GPR12: variants seen among roughly 807,000 people sequenced by gnomAD.
The protein encoded by GPR12 is G protein-coupled receptor 12.
GPR12 carries 7 observed loss-of-function variants against 18.9 expected under a neutral mutation model. The observed-to-expected ratio is 0.37, with a 90% confidence interval of 0.21 to 0.70. The LOEUF is 0.70. Ranked by LOEUF, GPR12 falls within the 30% of genes least tolerant of loss-of-function variation. The pLI is 0.54. For synonymous variants in GPR12, 201 were observed against 188.6 expected, an observed-to-expected ratio of 1.07 and a Z score of -0.54; for missense variants, 327 against 427.7, an observed-to-expected ratio of 0.76 and a Z score of 2.08.
Position 26,756,629 on chromosome 13 carries a change from T to C in GPR12, c.*2194A>G, listed in dbSNP as rs1437966590. On this transcript the variant is annotated 3_prime_UTR_variant, in exon 2 of 2. Coordinates refer to ENST00000405846, the MANE Select transcript of GPR12 (RefSeq NM_005288.4). Reference sequence around the variant, plus strand: ...AGACTTAGACTTTGGAAAAGCTGGCTTCAAATTCTGACTCTATCCTTGTGC... The same window carrying C: ...AGACTTAGACTTTGGAAAAGCTGGCCTCAAATTCTGACTCTATCCTTGTGC... 1 of 152,220 alleles carries C rather than the reference T, an allele frequency of 6.6e-6. No homozygotes were observed. The highest frequency in any genetic ancestry group is 1.5e-5 in the Non-Finnish European group (1 of 68,046). The allele number at this position is 152,220 out of a possible 1,614,324, so 9.4% of individuals were successfully genotyped here. A position where few individuals can be genotyped will look rare whatever the true frequency, so the allele number is the denominator to read the frequency against.
In GPR12 at chr13:26,759,834, C is replaced by T. The variant is rs751347216; in HGVS notation, c.-7G>A. 6.4e-7 allele frequency: 1 copy of T among 1,551,486 alleles called. No homozygotes were observed. Among genetic ancestry groups the T allele is most frequent in the South Asian group, 1.2e-5 (1 of 82,792 alleles). On this transcript the variant is annotated 5_prime_UTR_variant, in exon 2 of 2. Transcript: ENST00000405846. ...CCTTCAGGTCTTCATTCATTTTAAC[C>T]CCTGTCCTCTTCAACGAAAAGACAG...
rs1359001005 is a variant in GPR12, at chr13:26,758,096, T to G, written c.*727A>C. On this transcript the variant is annotated 3_prime_UTR_variant, in exon 2 of 2. Transcript: ENST00000405846. The stretch of plus-strand genomic sequence containing the variant: ...TATATTGAAAAATGACCCGTTGGAA[T>G]CTAGATTGACATGGCAACATTTGAA... The G allele has an allele frequency of 6.6e-6, 1 of 152,172 alleles. No individual in the cohort carries two copies. Among genetic ancestry groups the G allele is most frequent in the African/African-American group, 2.4e-5 (1 of 41,442 alleles). 9.4% of individuals were successfully genotyped at this position (152,172 alleles called of 1,614,324 possible). A position where few individuals can be genotyped will look rare whatever the true frequency, so the allele number is the denominator to read the frequency against.
Position 26,759,849 on chromosome 13 carries a change from C to A in GPR12, c.-15-7G>T. The A allele has an allele frequency of 2.6e-6, 4 of 1,532,150 alleles. No individual in the cohort carries two copies. The highest frequency in any genetic ancestry group is 1.4e-5 in the African/African-American group (1 of 72,036). The allele number at this position is 1,532,150 out of a possible 1,614,324, so 94.9% of individuals were successfully genotyped here. ...TCATTTTAACCCCTGTCCTCTTCAA[C>A]GAAAAGACAGGCTTTTTAATGTTTA... is the stretch of plus-strand genomic sequence containing the variant. On this transcript the variant is annotated splice_polypyrimidine_tract_variant and splice_region_variant and intron_variant, in intron 1 of 1. Transcript: ENST00000405846.
chr13:26,758,751 G>T lies in GPR12; in HGVS notation c.*72C>A. ...GGGAATCCAATGCAAGGAATTCAAGGGAAGCATCTCAAACCTTGGCCAGGC... is the reference window on the plus strand; with the variant it reads ...GGGAATCCAATGCAAGGAATTCAAGTGAAGCATCTCAAACCTTGGCCAGGC... On this transcript the variant is annotated 3_prime_UTR_variant, in exon 2 of 2. Coordinates refer to ENST00000405846, the MANE Select transcript of GPR12 (RefSeq NM_005288.4). 6.6e-7 allele frequency: 1 copy of T among 1,518,492 alleles called. No homozygotes were observed. Among genetic ancestry groups the T allele is most frequent in the East Asian group, 2.3e-5 (1 of 43,708 alleles). 94.1% of individuals were successfully genotyped at this position (1,518,492 alleles called of 1,614,324 possible). A position where few individuals can be genotyped will look rare whatever the true frequency, so the allele number is the denominator to read the frequency against.
chr13:26,759,419 C>A lies in GPR12; in HGVS notation c.409G>T (p.Asp137Tyr). 1 of 1,613,928 alleles carries A rather than the reference C, an allele frequency of 6.2e-7. No individual in the cohort carries two copies. Among genetic ancestry groups the A allele is most frequent in the South Asian group, 1.1e-5 (1 of 91,026 alleles). Residue 137 changes from aspartate to tyrosine, a missense_variant, in exon 2 of 2, where the codon GAC becomes TAC. Asp to Tyr is a radical substitution (Grantham distance 160, BLOSUM62 -3). Transcript: ENST00000405846. ...GCGTAGTACAGTGAGAGGTAGCGGT[C>A]AACAGTGATAGCCAGCAAGCTGCAG... ...SVCSLLAITVDRYLSLYYALT... is the reference protein window; with the variant it reads ...SVCSLLAITVYRYLSLYYALT...
rs1230901691 is a variant in GPR12, at chr13:26,757,065, T to G, written c.*1758A>C. 1 of 152,214 alleles carries G rather than the reference T, an allele frequency of 6.6e-6. No individual in the cohort carries two copies. Among genetic ancestry groups the G allele is most frequent in the East Asian group, 1.9e-4 (1 of 5,192 alleles). The allele number at this position is 152,214 out of a possible 1,614,324, so 9.4% of individuals were successfully genotyped here. On this transcript the variant is annotated 3_prime_UTR_variant, in exon 2 of 2. Transcript: ENST00000405846. ...ATTAGATTGATCATACAGTGGTATGTATTGAAAATTCTTTCCCACTTCTTA... is the reference window on the plus strand; with the variant it reads ...ATTAGATTGATCATACAGTGGTATGGATTGAAAATTCTTTCCCACTTCTTA...
chr13:26,760,058 G>C, intron 1 of GPR12: 1 of 636,624 alleles, frequency 1.6e-6, no homozygotes, highest in South Asian at 3.7e-5. Context: ...TTGGCATTGG[G>C]GAAAACACAG....
chr13:26,759,090 G>T lies in GPR12; in HGVS notation c.738C>A (p.Thr246=). 2 of 1,613,936 alleles carry T rather than the reference G, an allele frequency of 1.2e-6. No homozygotes were observed. The highest frequency in any genetic ancestry group is 1.7e-6 in the Non-Finnish European group (2 of 1,179,994). The change falls in exon 2 of 2, where the codon ACC becomes ACA. Residue 246 remains threonine, a synonymous_variant. Transcript: ENST00000405846. ...HFLATSHYVT[T]RKGVSTLAII... Reference sequence around the variant, plus strand: ...TAGCCAGGGTGGAGACCCCTTTCCGGGTGGTCACATAGTGCGACGTGGCCA... The same window carrying T: ...TAGCCAGGGTGGAGACCCCTTTCCGTGTGGTCACATAGTGCGACGTGGCCA...
In GPR12 at chr13:26,758,509, G is replaced by C. The variant is rs777301206; in HGVS notation, c.*314C>G. 5 of 280,914 alleles carry C rather than the reference G, an allele frequency of 1.8e-5. No individual in the cohort carries two copies. The highest frequency in any genetic ancestry group is 1.1e-4 in the African/African-American group (5 of 47,088). The allele number at this position is 280,914 out of a possible 1,614,324, so 17.4% of individuals were successfully genotyped here. A position where few individuals can be genotyped will look rare whatever the true frequency, so the allele number is the denominator to read the frequency against. On this transcript the variant is annotated 3_prime_UTR_variant, in exon 2 of 2. Transcript: ENST00000405846. ...ATTTACTTCTAATAACATCATGGGC[G>C]TATCATATCCCTTCCTTTCCTACCC...
rs1461444902 is a variant in GPR12 at position 26,758,005 on chromosome 13, A to G, written c.*818T>C. On this transcript the variant is annotated 3_prime_UTR_variant, in exon 2 of 2. Transcript: ENST00000405846. ...GAAACTACAATGGTGGATCTAATCA[A>G]TCCTACTTCATATGAAGATCAAAAC... The G allele has an allele frequency of 6.6e-6, 1 of 152,238 alleles. No homozygotes were observed. The highest frequency in any genetic ancestry group is 6.5e-5 in the Admixed American group (1 of 15,288). The allele number at this position is 152,238 out of a possible 1,614,324, so 9.4% of individuals were successfully genotyped here.
Position 26,758,412 on chromosome 13 carries a change from AAAGT to A in GPR12, c.*407_*410del, listed in dbSNP as rs1884414440. On this transcript the variant is annotated 3_prime_UTR_variant, in exon 2 of 2. Transcript: ENST00000405846. ...TGTAAAAAAAAAAAATAGTCTGGAA[AAAGT>A]AAGTCTTTCTCAATTTTCCTCAATC... is the stretch of plus-strand genomic sequence containing the variant. 1 of 162,756 alleles carries A rather than the reference AAAGT, an allele frequency of 6.1e-6. No individual in the cohort carries two copies. The highest frequency in any genetic ancestry group is 1.3e-5 in the Non-Finnish European group (1 of 74,684). 10.1% of individuals were successfully genotyped at this position (162,756 alleles called of 1,614,324 possible).
chr13:26,759,168 G>A lies in GPR12; in HGVS notation c.660C>T (p.Ile220=). Residue 220 remains isoleucine (I), a synonymous_variant, in exon 2 of 2, where the codon ATC becomes ATT. Transcript: ENST00000405846. ...FALMLQLYIQ[I]CKIVMRHAHQ... The stretch of plus-strand genomic sequence containing the variant: ...GGGCGTGCCTCATCACAATCTTACA[G>A]ATCTGGATGTAGAGCTGAAGCATGA... The A allele has an allele frequency of 1.2e-6, 2 of 1,613,488 alleles. No homozygotes were observed. The highest frequency in any genetic ancestry group is 1.3e-5 in the African/African-American group (1 of 74,926).
rs917071599 is a variant in GPR12, at chr13:26,757,469, G to A, written c.*1354C>T. 7 of 152,210 alleles carry A rather than the reference G, an allele frequency of 4.6e-5. No homozygotes were observed. Among genetic ancestry groups the A allele is most frequent in the African/African-American group, 1.7e-4 (7 of 41,458 alleles). The allele number at this position is 152,210 out of a possible 1,614,324, so 9.4% of individuals were successfully genotyped here. The stretch of plus-strand genomic sequence containing the variant: ...ACAGAAAAGAAACCTGAGACACATC[G>A]ATTTTACAATGTGTTTAAAGTGAAT... On this transcript the variant is annotated 3_prime_UTR_variant, in exon 2 of 2. Transcript: ENST00000405846.
At position 26,756,395 on chromosome 13, in the gene GPR12, A is replaced by T. The variant is rs1884374305; in HGVS notation, c.*2428T>A. On this transcript the variant is annotated 3_prime_UTR_variant, in exon 2 of 2. Transcript: ENST00000405846. The stretch of plus-strand genomic sequence containing the variant: ...GAGACAGGGTTTTGCCATATTGGTC[A>T]GGCTGGTTTCGAACTCCTGACCTCA... 1 of 152,228 alleles carries T rather than the reference A, an allele frequency of 6.6e-6. No homozygotes were observed. The highest frequency in any genetic ancestry group is 1.5e-5 in the Non-Finnish European group (1 of 68,038). The allele number at this position is 152,228 out of a possible 1,614,324, so 9.4% of individuals were successfully genotyped here.
In GPR12 at chr13:26,758,807, C is replaced by G. The variant is rs747367348; in HGVS notation, c.*16G>C. The G allele has an allele frequency of 1.9e-6, 3 of 1,581,930 alleles. No individual in the cohort carries two copies. The highest frequency in any genetic ancestry group is 2.6e-6 in the Non-Finnish European group (3 of 1,160,712). On this transcript the variant is annotated 3_prime_UTR_variant, in exon 2 of 2. Transcript: ENST00000405846. ...AAGTGCTTGGTAAATGCAGAGTCCT[C>G]CTGGGTGCAAGGGTGCTACACATCA... is the stretch of plus-strand genomic sequence containing the variant.
Position 26,758,930 on chromosome 13 carries a change from T to C in GPR12, c.898A>G (p.Ile300Val). The C allele has an allele frequency of 6.2e-7, 1 of 1,614,026 alleles. No individual in the cohort carries two copies. Among genetic ancestry groups the C allele is most frequent in the Non-Finnish European group, 8.5e-7 (1 of 1,180,002 alleles). The change falls in exon 2 of 2, where the codon ATA (isoleucine) becomes GTA (valine). Residue 300 changes from isoleucine (I) to valine (V), a missense_variant. By Grantham distance (29) the Ile-to-Val change is conservative. Transcript: ENST00000405846. ...ATCTCTTGGTTTCTGAAAGCATATA[T>C]GACAGGGTTGATGATGGAATTGTAG... ...ATYNSIINPV[I>V]YAFRNQEIQK...
In GPR12 at chr13:26,756,681, C is replaced by T. The variant is rs1484916511; in HGVS notation, c.*2142G>A. The stretch of plus-strand genomic sequence containing the variant: ...TTGTGGCCTCGGGCACATTTTTTAT[C>T]CTCGCCTCTCTTAGTCTTAGTTTTC... On this transcript the variant is annotated 3_prime_UTR_variant, in exon 2 of 2. Coordinates refer to ENST00000405846, the MANE Select transcript of GPR12 (RefSeq NM_005288.4). 2 of 152,156 alleles carry T rather than the reference C, an allele frequency of 1.3e-5. No individual in the cohort carries two copies. The highest frequency in any genetic ancestry group is 2.9e-5 in the Non-Finnish European group (2 of 68,034). The allele number at this position is 152,156 out of a possible 1,614,324, so 9.4% of individuals were successfully genotyped here. A position where few individuals can be genotyped will look rare whatever the true frequency, so the allele number is the denominator to read the frequency against.
Position 26,759,016 on chromosome 13 carries a change from G to C in GPR12, c.812C>G (p.Ser271Cys). 6.2e-7 allele frequency: 1 copy of C among 1,614,034 alleles called. No homozygotes were observed. Among genetic ancestry groups the C allele is most frequent in the Non-Finnish European group, 8.5e-7 (1 of 1,180,010 alleles). ...AACWMPFTLYSLIADYTYPSI... is the reference protein window; with the variant it reads ...AACWMPFTLYCLIADYTYPSI... ...GGGGTAGGTGTAATCCGCTATCAAG[G>C]AATAGAGGGTGAAAGGCATCCAGCA... Residue 271 changes from serine to cysteine, a missense_variant, in exon 2 of 2, where the codon TCC (serine) becomes TGC (cysteine). Coordinates refer to ENST00000405846, the MANE Select transcript of GPR12 (RefSeq NM_005288.4).
In GPR12 at chr13:26,759,560, C is replaced by G; in HGVS notation, c.268G>C (p.Asp90His). 6.2e-7 allele frequency: 1 copy of G among 1,614,164 alleles called. No homozygotes were observed. The highest frequency in any genetic ancestry group is 8.5e-7 in the Non-Finnish European group (1 of 1,180,036). Residue 90 changes from aspartate (D) to histidine (H), a missense_variant, in exon 2 of 2, where the codon GAC becomes CAC. Transcript: ENST00000405846. ...FLLIGSLALA[D>H]LLAGIGLITN... is the part of the protein sequence containing the mutation. ...ATGAGTCCAATGCCGGCCAGCAGGT[C>G]TGCAAGAGCCAGGCTGCCTATTAGC...
Sources: gnomAD v4.1 joint callset for allele counts on GRCh38, gnomAD v4.1.1 for gene constraint, MANE v1.5 for transcripts, NCBI Gene and HGNC (gene_info 2026-07-23, HGNC 2026-07-21) for gene names.